The following SSBP3 variants were observed in gnomAD, a reference collection of about 807,000 sequenced individuals.
SSBP3 encodes the protein single-stranded DNA-binding protein 3.
A neutral mutation model predicts 69.6 loss-of-function variants in SSBP3; 5 were observed. The observed-to-expected ratio is 0.07, with a 90% CI of 0.04 to 0.15. The LOEUF is 0.15. SSBP3 is among the 10% of genes least tolerant of loss of function. SSBP3 has a pLI of 1.00. For missense variants in SSBP3, 312 were observed against 534.0 expected, an observed-to-expected ratio of 0.58 and a Z score of 4.10; for synonymous variants, 196 against 193.4, an observed-to-expected ratio of 1.01 and a Z score of -0.11.
At chr1:54,319,400 T>A (rs112863759) in intron 4 of SSBP3, among the ~76,000 whole-genome samples, 34 of 151,960 alleles carry the variant, frequency 2.2e-4, no homozygotes, top group African/African-American at 8.2e-4. Flanking sequence ...GCTCTGCAAC[T>A]CCCATCCAGG....
intron 4 of SSBP3, among the ~76,000 whole-genome samples, chr1:54,385,453 C>T (rs1320350632): frequency 6.6e-6 from 1 of 152,140 alleles, no homozygotes; most frequent in Non-Finnish European, 1.5e-5. Context: ...CTAGCACTGT[C>T]CCTTCCCTTC....
chr1:54,304,324 G>A (rs940965187), intron 4 of SSBP3, among the ~76,000 whole-genome samples: 3 of 148,322 alleles, frequency 2.0e-5, no homozygotes, highest in African/African-American at 7.4e-5. Context: ...CAGTGGCCTG[G>A]AACCAGTCAC....
intron 4 of SSBP3, among the ~76,000 whole-genome samples, chr1:54,294,970 G>A (rs969926960): frequency 3.9e-5 from 6 of 152,092 alleles, no homozygotes; most frequent in African/African-American, 1.4e-4. Context: ...CACCAAACTA[G>A]GGACTGTCCC....
intron 9 of SSBP3, among the ~76,000 whole-genome samples, chr1:54,245,974 TAG>T (rs1644728123): frequency 6.6e-6 from 1 of 152,044 alleles, no homozygotes; most frequent in African/African-American, 2.4e-5. Context: ...AAAACTGAGG[TAG>T]AGAGGAAGAA....
chr1:54,231,673 C>A (rs970062002), intron 14 of SSBP3, among the ~76,000 whole-genome samples: 19 of 152,222 alleles, frequency 1.2e-4, no homozygotes, highest in Admixed American at 9.2e-4. Flanking sequence ...GATCTATGGT[C>A]TACTTTGTTT....
At chr1:54,318,389 C>T in intron 4 of SSBP3, among the ~76,000 whole-genome samples, 1 of 152,196 alleles carries the variant, frequency 6.6e-6, no homozygotes, top group Non-Finnish European at 1.5e-5. Flanking sequence ...AACCAGCCAT[C>T]TGGGGCTCAA....
intron 4 of SSBP3, among the ~76,000 whole-genome samples, chr1:54,328,472 A>G (rs1337833069): frequency 2.0e-5 from 3 of 152,120 alleles, no homozygotes; most frequent in Non-Finnish European, 4.4e-5. Flanking sequence ...CCTTGTCTAC[A>G]TACTTGCAGA....
intron 14 of SSBP3, among the ~76,000 whole-genome samples, chr1:54,233,080 A>C (rs934348608): frequency 5.5e-5 from 7 of 128,132 alleles, no homozygotes; most frequent in South Asian, 2.7e-4. Flanking sequence ...CTGGCTGCCC[A>C]CTCTGGAAAG....
chr1:54,226,938 A>T, exon 18 of SSBP3: 2 of 591,140 alleles, frequency 3.4e-6, no homozygotes, highest in Admixed American at 2.8e-5. Context: ...TGGAATAAAA[A>T]GTTTGGCCTT....
chr1:54,249,587 T>C (rs889906961), intron 9 of SSBP3, among the ~76,000 whole-genome samples: 3 of 152,022 alleles, frequency 2.0e-5, no homozygotes, highest in Non-Finnish European at 2.9e-5. Context: ...CCCAGCTACT[T>C]GGGAGACTGA....
At chr1:54,356,985 G>C (rs1646879107) in intron 4 of SSBP3, among the ~76,000 whole-genome samples, 1 of 152,144 alleles carries the variant, frequency 6.6e-6, no homozygotes, top group African/African-American at 2.4e-5. Context: ...GCTGGGGGTA[G>C]AGCCCCTCAC....
At chr1:54,380,571 A>G (rs945039804) in intron 4 of SSBP3, among the ~76,000 whole-genome samples, 7 of 152,240 alleles carry the variant, frequency 4.6e-5, no homozygotes, top group African/African-American at 1.7e-4. Flanking sequence ...GGCCAGGGCC[A>G]GCTTCGGCTT....
intron 4 of SSBP3, among the ~76,000 whole-genome samples, chr1:54,370,387 C>A (rs1005164710): frequency 6.6e-6 from 1 of 152,180 alleles, no homozygotes. Flanking sequence ...AGGCTGTGTT[C>A]TGAAAATAAT....
intron 4 of SSBP3, among the ~76,000 whole-genome samples, chr1:54,343,297 C>T (rs568990810): frequency 2.6e-5 from 4 of 152,360 alleles, no homozygotes; most frequent in Non-Finnish European, 5.9e-5. Flanking sequence ...TCTAACTGTA[C>T]GGCCCTGGAC....
intron 3 of SSBP3, among the ~76,000 whole-genome samples, chr1:54,403,839 C>T (rs1450375327): frequency 2.0e-5 from 3 of 152,314 alleles, no homozygotes; most frequent in Middle Eastern, 3.4e-3. Context: ...TGACCCTGAG[C>T]TCCCTCCTGG....
intron 4 of SSBP3, 107 bp from the exon 5 acceptor site, chr1:54,281,634 C>T: frequency 9.6e-7 from 1 of 1,046,448 alleles, no homozygotes; most frequent in South Asian, 1.4e-5. Flanking sequence ...TCCCCGTGGA[C>T]CTTCCTCACA....
Position 54,401,956 on chromosome 1 carries a change from GAAAAT to G in SSBP3, c.192-16_192-12del. On this transcript the variant is annotated splice_polypyrimidine_tract_variant and intron_variant, in intron 3 of 17. Transcript: ENST00000610401. ...AGGTCCCAAAATACACTGCGAGGAG[GAAAAT>G]AAAATAAGGTCAGGTTACTAATTAT... is the stretch of plus-strand genomic sequence containing the variant. The G allele has an allele frequency of 6.2e-7, 1 of 1,611,504 alleles. No homozygotes were observed. The highest frequency in any genetic ancestry group is 8.5e-7 in the Non-Finnish European group (1 of 1,177,960).
rs1473840812 is a variant in SSBP3, at chr1:54,240,116, G to GCA, written c.856+788_856+789insTG. ...CGCGCGCGCGTGTGCGTGCGCGCGC[G>GCA]CGCGCAACACATGCCCACGTATGTG... On this transcript the variant is annotated intron_variant, in intron 13 of 17. Coordinates refer to ENST00000610401, the Ensembl canonical transcript of SSBP3. Among the ~76,000 whole-genome samples the GCA allele has an allele frequency of 0.031, 345 of 11,230 alleles. 15 individuals carry two copies. The East Asian group carries it at 0.46, about 15-fold the overall frequency. 7.4% of individuals were successfully genotyped at this position (11,230 alleles called of 152,430 possible).
intron 4 of SSBP3, among the ~76,000 whole-genome samples, chr1:54,282,441 G>A (rs1420407209): frequency 1.3e-5 from 2 of 152,204 alleles, no homozygotes; most frequent in African/African-American, 2.4e-5. Flanking sequence ...GAGGGGCCTC[G>A]CGAAGTGGGG....
Sources: allele counts gnomAD v4.1 joint callset (sites outside exome capture counted in the v4.1 genomes callset), GRCh38; gene constraint gnomAD v4.1.1; transcripts MANE v1.5; gene names NCBI Gene and HGNC (gene_info 2026-07-23, HGNC 2026-07-21).